Variants in CACNA1E observed in about 807,000 individuals in gnomAD.
CACNA1E encodes the protein calcium voltage-gated channel subunit alpha1 E, also known as voltage-dependent R-type calcium channel subunit alpha-1E.
In CACNA1E, 40 loss-of-function variants were observed where a neutral mutation model predicts 259.2. The ratio of observed to expected loss-of-function variants is 0.15; its 90% confidence interval spans 0.12 to 0.20. The LOEUF is 0.20. Among genes scored for constraint, CACNA1E ranks in the 10% least tolerant of loss-of-function variants. The pLI, the probability that CACNA1E is intolerant of heterozygous loss-of-function variation, is 1.00. For synonymous variants in CACNA1E, 1,104 were observed against 1,138.5 expected, an observed-to-expected ratio of 0.97 and a Z score of 0.61; for missense variants, 1,874 against 3,040.1, an observed-to-expected ratio of 0.62 and a Z score of 9.02.
At chr1:181,517,620 G>T (rs1270922605) in intron 3 of CACNA1E, among the ~76,000 whole-genome samples, 2 of 151,860 alleles carry the variant, frequency 1.3e-5, no homozygotes, top group East Asian at 3.9e-4. Context: ...GGGAGGCAGA[G>T]GAAAAGGGAG....
intron 1 of CACNA1E, among the ~76,000 whole-genome samples, chr1:181,338,925 C>G (rs1651930124): frequency 6.6e-6 from 1 of 151,718 alleles, no homozygotes; most frequent in African/African-American, 2.4e-5. Flanking sequence ...AGACTGTCCT[C>G]TCTCCATTAT....
intron 3 of CACNA1E, among the ~76,000 whole-genome samples, chr1:181,520,122 G>A (rs1572087920): frequency 6.6e-6 from 1 of 152,116 alleles, no homozygotes; most frequent in African/African-American, 2.4e-5. Context: ...TTCTATATTG[G>A]CACTTGCACA....
intron 3 of CACNA1E, among the ~76,000 whole-genome samples, chr1:181,559,701 A>C (rs1001125056): frequency 6.6e-6 from 1 of 152,168 alleles, no homozygotes; most frequent in Non-Finnish European, 1.5e-5. Flanking sequence ...TCACGGAGTG[A>C]GGAGGACAGC....
At chr1:181,631,935 A>G (rs563777697) in intron 6 of CACNA1E, among the ~76,000 whole-genome samples, 33 of 152,326 alleles carry the variant, frequency 2.2e-4, no homozygotes, top group African/African-American at 7.2e-4. Context: ...TTTCAAGTAG[A>G]TCTCAAGATC....
intron 7 of CACNA1E, among the ~76,000 whole-genome samples, chr1:181,660,236 C>T (rs1164267639): frequency 6.6e-6 from 1 of 152,216 alleles, no homozygotes; most frequent in Non-Finnish European, 1.5e-5. Flanking sequence ...AGCTGTCTGC[C>T]TTGCTAGCAA....
intron 44 of CACNA1E, among the ~76,000 whole-genome samples, chr1:181,791,313 T>C (rs1661282156): frequency 6.6e-6 from 1 of 151,822 alleles, no homozygotes; most frequent in African/African-American, 2.4e-5. Flanking sequence ...CTACTAAAAA[T>C]ACAAAAAAAA....
In CACNA1E at chr1:181,799,773, G is replaced by A. The variant is rs777156845; in HGVS notation, c.*939G>A. The stretch of plus-strand genomic sequence containing the variant: ...CCAGTCATGGGGGAACCCTGAGGGT[G>A]TGGGTAGAGTAGCAGGGGCCACCTA... On this transcript the variant is annotated 3_prime_UTR_variant, in exon 48 of 48. Transcript: ENST00000367573. 4 of 151,780 alleles carry A rather than the reference G, an allele frequency of 2.6e-5. No homozygotes were observed. The highest frequency in any genetic ancestry group is 5.9e-5 in the Non-Finnish European group (4 of 67,996). The allele number at this position is 151,780 out of a possible 1,614,324, so 9.4% of individuals were successfully genotyped here.
chr1:181,409,448 G>A (rs888729595), intron 1 of CACNA1E, among the ~76,000 whole-genome samples: 5 of 152,130 alleles, frequency 3.3e-5, no homozygotes, highest in South Asian at 2.1e-4. Context: ...GCCCAAGAAG[G>A]GGATAATCAG....
At chr1:181,739,613 A>G (rs987805002) in intron 25 of CACNA1E, among the ~76,000 whole-genome samples, 1 of 152,124 alleles carries the variant, frequency 6.6e-6, no homozygotes, top group Non-Finnish European at 1.5e-5. Flanking sequence ...TTCTTTCTTG[A>G]GTGTGTCAAT....
At chr1:181,608,491 T>A (rs949765030) in intron 6 of CACNA1E, among the ~76,000 whole-genome samples, 2 of 152,170 alleles carry the variant, frequency 1.3e-5, no homozygotes, top group Non-Finnish European at 2.9e-5. Flanking sequence ...AGATCCATTA[T>A]GAAAAGTGTC....
chr1:181,335,543 G>A (rs1651639482), intron 1 of CACNA1E, among the ~76,000 whole-genome samples: 1 of 151,716 alleles, frequency 6.6e-6, no homozygotes, highest in Admixed American at 6.6e-5. Flanking sequence ...GGTGGCCTTG[G>A]GGTATTGTCT....
rs914328983 is a variant in CACNA1E at position 181,799,847 on chromosome 1, A to G, written c.*1013A>G. ...CCAACCAGTGTGGAAGCAATTAAAT[A>G]TGCGTAACAGTGCTACGGCCACACC... On this transcript the variant is annotated 3_prime_UTR_variant, in exon 48 of 48. Coordinates refer to ENST00000367573, the MANE Select transcript of CACNA1E (RefSeq NM_001205293.3). The G allele has an allele frequency of 1.3e-5, 2 of 152,298 alleles. No individual in the cohort carries two copies. The highest frequency in any genetic ancestry group is 1.9e-4 in the East Asian group (1 of 5,184). 9.4% of individuals were successfully genotyped at this position (152,298 alleles called of 1,614,324 possible). A position where few individuals can be genotyped will look rare whatever the true frequency, so the allele number is the denominator to read the frequency against.
intron 1 of CACNA1E, among the ~76,000 whole-genome samples, chr1:181,393,960 G>A (rs1411007781): frequency 6.6e-6 from 1 of 152,206 alleles, no homozygotes; most frequent in Non-Finnish European, 1.5e-5. Context: ...GGGACTGAGT[G>A]GGACTGAGTG....
chr1:181,742,326 C>T (rs561556347), intron 25 of CACNA1E, among the ~76,000 whole-genome samples: 1 of 152,324 alleles, frequency 6.6e-6, no homozygotes, highest in Non-Finnish European at 1.5e-5. Context: ...TGGTCAGGGG[C>T]TCAGGCCAGC....
At position 181,763,543 on chromosome 1, in the gene CACNA1E, C is replaced by T; in HGVS notation, c.4815+12C>T. ...TGCAGTCCTTTAAGGTAAGAGGTAC[C>T]AGCAAATCCTCTCTGAGGGTTGTCA... On this transcript the variant is annotated intron_variant, in intron 34 of 47. Coordinates refer to ENST00000367573, the MANE Select transcript of CACNA1E (RefSeq NM_001205293.3). 6.5e-7 allele frequency: 1 copy of T among 1,545,152 alleles called. No homozygotes were observed. The highest frequency in any genetic ancestry group is 8.8e-7 in the Non-Finnish European group (1 of 1,132,902).
intron 2 of CACNA1E, among the ~76,000 whole-genome samples, chr1:181,467,751 C>G (rs148972424): frequency 8.9e-4 from 135 of 152,242 alleles, no homozygotes; most frequent in Admixed American, 1.3e-3. Context: ...TTCCTGCATT[C>G]CTGGTCATGA....
intron 7 of CACNA1E, among the ~76,000 whole-genome samples, chr1:181,697,015 G>A (rs1425909707): frequency 6.6e-6 from 1 of 152,190 alleles, no homozygotes; most frequent in Non-Finnish European, 1.5e-5. Context: ...CCACTCCATA[G>A]AGCAGGATGA....
At chr1:181,790,087 T>C (rs1055740034) in intron 43 of CACNA1E, among the ~76,000 whole-genome samples, 3 of 152,188 alleles carry the variant, frequency 2.0e-5, no homozygotes, top group Admixed American at 2.0e-4. Flanking sequence ...TTAAACAAAC[T>C]GTTCACTGTG....
chr1:181,381,573 G>A (rs750305674), intron 1 of CACNA1E, among the ~76,000 whole-genome samples: 6 of 152,116 alleles, frequency 3.9e-5, no homozygotes, highest in Non-Finnish European at 7.4e-5. Flanking sequence ...AAATGGCTAT[G>A]TTCGTTATCT....
Sources: gnomAD v4.1 joint callset for allele counts (sites outside exome capture counted in the v4.1 genomes callset) on GRCh38, gnomAD v4.1.1 for gene constraint, MANE v1.5 for transcripts, NCBI Gene and HGNC (gene_info 2026-07-23, HGNC 2026-07-21) for gene names.